The following ITGAL variants were observed in gnomAD, a reference collection of about 807,000 sequenced individuals.
ITGAL encodes integrin alpha-L.
Under a neutral mutation model 138.4 loss-of-function variants are expected in ITGAL, and 68 were observed. That is an observed-to-expected ratio of 0.49 (90% CI 0.40 to 0.60). ITGAL has a LOEUF of 0.60. ITGAL is among the 20% of genes least tolerant of loss of function. The pLI, the probability that ITGAL is intolerant of heterozygous loss-of-function variation, is 0.00. For synonymous variants in ITGAL, 561 were observed against 584.3 expected, an observed-to-expected ratio of 0.96 and a Z score of 0.57; for missense variants, 1,256 against 1,478.6, an observed-to-expected ratio of 0.85 and a Z score of 2.47.
chr16:30,487,324 C>T (rs539901469), intron 9 of ITGAL, among the ~76,000 whole-genome samples: 61 of 152,200 alleles, frequency 4.0e-4, no homozygotes, highest in Middle Eastern at 3.4e-3. Context: ...AACTCCTGGG[C>T]TCAAGCAAGT....
At chr16:30,514,982 G>A (rs908810763) in intron 25 of ITGAL, among the ~76,000 whole-genome samples, 1 of 151,484 alleles carries the variant, frequency 6.6e-6, no homozygotes, top group Non-Finnish European at 1.5e-5. Context: ...CCACCACCAC[G>A]CCAGGCTAAT....
At chr16:30,495,194 T>G (rs903039261) in intron 13 of ITGAL, among the ~76,000 whole-genome samples, 2 of 152,048 alleles carry the variant, frequency 1.3e-5, no homozygotes, top group Admixed American at 6.6e-5. Context: ...CCAGCTAATT[T>G]TTGTATTTTT....
Position 30,499,354 on chromosome 16 carries a change from T to C in ITGAL, c.2010T>C (p.Asn670=). ...CCTGCCCAGGCCGCCTGGTTGCCAA[T>C]CTCACTTACACTCTGCAGCTGGATG... ...IPQFQGRLVA[N]LTYTLQLDGH... Residue 670 remains asparagine, a synonymous_variant, in exon 17 of 31, where the codon AAT becomes AAC. Coordinates refer to ENST00000356798, the MANE Select transcript of ITGAL (RefSeq NM_002209.3). 6 of 1,614,000 alleles carry C rather than the reference T, an allele frequency of 3.7e-6. No individual in the cohort carries two copies. Among genetic ancestry groups the C allele is most frequent in the Non-Finnish European group, 5.1e-6 (6 of 1,179,996 alleles).
intron 21 of ITGAL, among the ~76,000 whole-genome samples, chr16:30,507,408 C>G (rs1426292428): frequency 3.4e-5 from 5 of 147,220 alleles, no homozygotes; most frequent in Admixed American, 1.4e-4. Flanking sequence ...TGCAGCGAGC[C>G]GAGATCGCGC....
Position 30,499,488 on chromosome 16 carries a change from C to T in ITGAL, c.2144C>T (p.Pro715Leu), listed in dbSNP as rs778713784. 13 of 1,613,342 alleles carry T rather than the reference C, an allele frequency of 8.1e-6. No individual in the cohort carries two copies. Among genetic ancestry groups the T allele is most frequent in the South Asian group, 5.5e-5 (5 of 91,060 alleles). The change falls in exon 17 of 31, where the codon CCG becomes CTG. Residue 715 changes from proline (P) to leucine (L), a missense_variant and splice_region_variant. Physicochemically the swap from Pro to Leu is moderately conservative, Grantham distance 98 (BLOSUM62 -3). Transcript: ENST00000356798. Reference sequence around the variant, plus strand: ...TGCACTGACTTCTCATTTCATTTCCCGGTAAGGGAGCCAGCGCCAATGCTC... The same window carrying T: ...TGCACTGACTTCTCATTTCATTTCCTGGTAAGGGAGCCAGCGCCAATGCTC... ...MSCTDFSFHF[P>L]VCVQDLISPI... is the part of the protein sequence containing the mutation.
chr16:30,495,356 C>T (rs1233120685), intron 13 of ITGAL, among the ~76,000 whole-genome samples: 3 of 152,090 alleles, frequency 2.0e-5, no homozygotes, highest in Admixed American at 6.6e-5. Flanking sequence ...GACCATGTTT[C>T]GACATGTGGG....
intron 17 of ITGAL, among the ~76,000 whole-genome samples, chr16:30,502,455 T>C (rs1296515126): frequency 6.9e-6 from 1 of 145,700 alleles, no homozygotes; most frequent in Non-Finnish European, 1.5e-5. Context: ...CTCTTAAATA[T>C]TTCATAAAAG....
At chr16:30,486,474 ATAAT>A in intron 9 of ITGAL, among the ~76,000 whole-genome samples, 1 of 152,252 alleles carries the variant, frequency 6.6e-6, no homozygotes, top group African/African-American at 2.4e-5. Flanking sequence ...CCATGTCTAA[ATAAT>A]TAATAAAAAT....
At chr16:30,501,779 C>A (rs2050902945) in intron 17 of ITGAL, among the ~76,000 whole-genome samples, 1 of 152,022 alleles carries the variant, frequency 6.6e-6, no homozygotes, top group African/African-American at 2.4e-5. Context: ...GTGGCTCATG[C>A]CAGCACTTTG....
At chr16:30,485,189 C>G (rs560596309) in intron 9 of ITGAL, among the ~76,000 whole-genome samples, 3 of 135,668 alleles carry the variant, frequency 2.2e-5, no homozygotes, top group African/African-American at 2.7e-5. Context: ...TCTCCTCCCC[C>G]CTTCCTCTCC....
intron 7 of ITGAL, among the ~76,000 whole-genome samples, chr16:30,482,048 C>T (rs556723692): frequency 2.2e-4 from 33 of 152,204 alleles, no homozygotes; most frequent in Non-Finnish European, 2.1e-4. Flanking sequence ...TGTGCCACCA[C>T]GCCTGGCTAA....
intron 18 of ITGAL, 155 bp from the exon 19 acceptor site, chr16:30,505,089 G>T (rs1289193051): frequency 3.7e-6 from 2 of 546,138 alleles, no homozygotes; most frequent in Non-Finnish European, 6.3e-6. Context: ...AGGCAGCAGA[G>T]TGGGGCAGCC....
At chr16:30,480,241 C>A (rs1039484602) in intron 6 of ITGAL, among the ~76,000 whole-genome samples, 10 of 152,176 alleles carry the variant, frequency 6.6e-5, no homozygotes, top group Non-Finnish European at 1.5e-4. Flanking sequence ...AGCTAGTTCT[C>A]ATTTCTGTTT....
intron 9 of ITGAL, among the ~76,000 whole-genome samples, chr16:30,485,374 C>G (rs1054108294): frequency 6.7e-6 from 1 of 148,914 alleles, no homozygotes. Flanking sequence ...CTACAGGCGC[C>G]AGCCACCACG....
chr16:30,497,580 G>T (rs2050821199), intron 15 of ITGAL, among the ~76,000 whole-genome samples: 3 of 151,286 alleles, frequency 2.0e-5, no homozygotes, highest in Non-Finnish European at 2.9e-5. Flanking sequence ...GGGTTCAAGC[G>T]ATTCTCCTGC....
At chr16:30,502,716 C>G (rs1036770651) in intron 17 of ITGAL, among the ~76,000 whole-genome samples, 1 of 151,224 alleles carries the variant, frequency 6.6e-6, no homozygotes, top group African/African-American at 2.4e-5. Context: ...CCATTGCATT[C>G]CAGCCTGGGC....
chr16:30,492,637 A>AT (rs1174774164), intron 11 of ITGAL, among the ~76,000 whole-genome samples: 1 of 147,866 alleles, frequency 6.8e-6, no homozygotes, highest in African/African-American at 2.5e-5. Context: ...GCTCACTGCA[A>AT]GCTCCGCCTC....
chr16:30,486,518 A>T (rs527572826), intron 9 of ITGAL, among the ~76,000 whole-genome samples: 48 of 152,188 alleles, frequency 3.2e-4, no homozygotes, highest in South Asian at 8.3e-4. Context: ...AAAAGTTTTT[A>T]AAAAAAACTC....
In ITGAL at chr16:30,479,347, C is replaced by T. The variant is rs748938835; in HGVS notation, c.462C>T (p.Asn154=). 15 of 1,613,928 alleles carry T rather than the reference C, an allele frequency of 9.3e-6. No homozygotes were observed. The highest frequency in any genetic ancestry group is 1.1e-5 in the Non-Finnish European group (13 of 1,180,028). Residue 154 remains asparagine (N), a synonymous_variant, in exon 6 of 31, where the codon AAC becomes AAT. Transcript: ENST00000356798. ...CTTCTGCAGAATGTATCAAGGGCAA[C>T]GTAGACCTGGTATTTCTGTTTGATG... ...RPGFQECIKG[N]VDLVFLFDGS...
Sources: allele counts gnomAD v4.1 joint callset (sites outside exome capture counted in the v4.1 genomes callset), GRCh38; gene constraint gnomAD v4.1.1; transcripts MANE v1.5; gene names NCBI Gene and HGNC (gene_info 2026-07-23, HGNC 2026-07-21).